GPHN: variants seen among roughly 807,000 people sequenced by gnomAD.
GPHN encodes gephyrin.
In GPHN, 17 loss-of-function variants were observed where a neutral mutation model predicts 95.5. That is an observed-to-expected ratio of 0.18 (90% CI 0.12 to 0.27). GPHN has a LOEUF of 0.27. Among genes scored for constraint, GPHN ranks in the 10% least tolerant of loss-of-function variants. The probability of loss-of-function intolerance (pLI) is 1.00; values close to 1 mark genes in which losing one functional copy is unlikely to be tolerated. For synonymous variants in GPHN, 320 were observed against 322.5 expected (o/e 0.99, Z 0.08); for missense variants, 660 against 978.1 (o/e 0.67, Z 4.34).
the GPHN span, among the ~76,000 whole-genome samples, chr14:67,490,495 G>A: frequency 6.6e-6 from 1 of 152,204 alleles, no homozygotes; most frequent in Non-Finnish European, 1.5e-5. Context: ...CTCCTGTTCT[G>A]TTATTTCTAC....
intron 12 of GPHN, among the ~76,000 whole-genome samples, chr14:67,099,505 T>C (rs532756577): frequency 2.7e-5 from 4 of 150,792 alleles, no homozygotes; most frequent in Admixed American, 2.6e-4. Context: ...AACTCTTCTA[T>C]AATACTTTTT....
At chr14:66,608,677 G>C (rs550081789) in intron 1 of GPHN, among the ~76,000 whole-genome samples, 10 of 152,224 alleles carry the variant, frequency 6.6e-5, no homozygotes, top group African/African-American at 2.4e-4. Context: ...CCAATGTTGG[G>C]TGTGTATAGA....
chr14:67,357,431 G>C, the GPHN span, among the ~76,000 whole-genome samples: 1 of 152,204 alleles, frequency 6.6e-6, no homozygotes, highest in Admixed American at 6.5e-5. Flanking sequence ...ATTTAGAGAA[G>C]AGATTATTTC....
chr14:67,619,640 G>T, the GPHN span, among the ~76,000 whole-genome samples: 1 of 152,276 alleles, frequency 6.6e-6, no homozygotes, highest in Non-Finnish European at 1.5e-5. Flanking sequence ...CCCGCGAAGG[G>T]ACACACCTGT....
intron 1 of GPHN, among the ~76,000 whole-genome samples, chr14:66,605,610 A>G (rs1044630464): frequency 6.8e-6 from 1 of 148,138 alleles, no homozygotes; most frequent in South Asian, 2.1e-4. Flanking sequence ...GCTTACTGCA[A>G]TCTCTGCCCC....
chr14:67,026,686 A>C (rs1213286105), intron 10 of GPHN, among the ~76,000 whole-genome samples: 1 of 152,156 alleles, frequency 6.6e-6, no homozygotes. Context: ...GCTGTCGCCC[A>C]GGTTGGAGTG....
chr14:67,461,126 G>A, the GPHN span, among the ~76,000 whole-genome samples: 6 of 152,312 alleles, frequency 3.9e-5, no homozygotes, highest in Non-Finnish European at 8.8e-5. Flanking sequence ...ATGCTTGCTG[G>A]AGTGGCATCT....
chr14:67,668,986 C>A, the GPHN span, among the ~76,000 whole-genome samples: 1 of 152,056 alleles, frequency 6.6e-6, no homozygotes, highest in South Asian at 2.1e-4. Flanking sequence ...GTATACAGGG[C>A]TGGTATTCTT....
intron 4 of GPHN, among the ~76,000 whole-genome samples, chr14:66,832,534 C>G (rs1419091890): frequency 6.6e-6 from 1 of 152,100 alleles, no homozygotes; most frequent in Non-Finnish European, 1.5e-5. Context: ...TTAGTAATAG[C>G]CCACTTTATA....
chr14:67,360,295 C>A, the GPHN span: 1 of 398,648 alleles, frequency 2.5e-6, no homozygotes, highest in Non-Finnish European at 4.4e-6. Flanking sequence ...GGCCTCTATT[C>A]GTTCAGCGCT....
chr14:67,570,221 G>T, the GPHN span: 1 of 384,366 alleles, frequency 2.6e-6, no homozygotes, highest in Non-Finnish European at 3.6e-6. Flanking sequence ...CAGTATGAAC[G>T]TGGACAAGGT....
the GPHN span, chr14:67,340,611 A>G: frequency 3.2e-5 from 35 of 1,078,982 alleles, no homozygotes; most frequent in African/African-American, 5.2e-4. Context: ...TTTTTTCCTA[A>G]TTGTAAAATT....
At chr14:67,118,666 T>G (rs952236334) in intron 16 of GPHN, among the ~76,000 whole-genome samples, 5 of 151,644 alleles carry the variant, frequency 3.3e-5, no homozygotes, top group African/African-American at 4.9e-5. Context: ...AGGCGGAGCT[T>G]GCAGTGAGCC....
At chr14:66,785,749 A>G (rs1041675676) in intron 3 of GPHN, among the ~76,000 whole-genome samples, 64 of 151,952 alleles carry the variant, frequency 4.2e-4, no homozygotes, top group Middle Eastern at 3.4e-3. Context: ...AAAAAAACAG[A>G]AAAATATCAG....
chr14:67,348,076 A>ATT, the GPHN span, among the ~76,000 whole-genome samples: 2 of 140,162 alleles, frequency 1.4e-5, no homozygotes, highest in Non-Finnish European at 3.1e-5. Flanking sequence ...TGCCCAGCTA[A>ATT]TTTTTTTTTT....
chr14:67,137,030 A>AG (rs2080117396), intron 17 of GPHN, among the ~76,000 whole-genome samples: 2 of 152,110 alleles, frequency 1.3e-5, no homozygotes, highest in Non-Finnish European at 2.9e-5. Context: ...GGTGGCACAC[A>AG]CTTGTAATCC....
At chr14:67,560,258 C>T in the GPHN span, among the ~76,000 whole-genome samples, 1 of 152,168 alleles carries the variant, frequency 6.6e-6, no homozygotes, top group Non-Finnish European at 1.5e-5. Flanking sequence ...AACTCCTGAC[C>T]TCAGGTGATT....
chr14:67,103,154 C>G (rs1412129014), intron 13 of GPHN, among the ~76,000 whole-genome samples: 1 of 152,068 alleles, frequency 6.6e-6, no homozygotes, highest in Non-Finnish European at 1.5e-5. Flanking sequence ...AACCTTCACC[C>G]CAGTATGGAC....
At chr14:67,001,964 A>G (rs1446895620) in intron 9 of GPHN, among the ~76,000 whole-genome samples, 1 of 151,676 alleles carries the variant, frequency 6.6e-6, no homozygotes, top group Non-Finnish European at 1.5e-5. Context: ...GGTGAAATGT[A>G]TAGCCTAGAC....
Sources: allele counts gnomAD v4.1 joint callset (sites outside exome capture counted in the v4.1 genomes callset), GRCh38; gene constraint gnomAD v4.1.1; transcripts MANE v1.5; gene names NCBI Gene and HGNC (gene_info 2026-07-23, HGNC 2026-07-21).